Variants in YWHAG observed in about 807,000 individuals in gnomAD.
YWHAG encodes the protein 14-3-3 protein gamma.
YWHAG carries 1 observed loss-of-function variant against 23.3 expected under a neutral mutation model. That is an observed-to-expected ratio of 0.04 (90% CI 0.02 to 0.20). The LOEUF is 0.20. Ranked by LOEUF, YWHAG falls within the 10% of genes least tolerant of loss-of-function variation. YWHAG has a pLI of 1.00. For missense variants in YWHAG, 151 were observed against 338.6 expected (o/e 0.45, Z 4.35); for synonymous variants, 160 against 144.0 (o/e 1.11, Z -0.80).
At position 76,334,727 on chromosome 7, in the gene YWHAG, T is replaced by TA. The variant is rs562043163; in HGVS notation, c.88-4495dup. 2.5e-3 allele frequency among the ~76,000 whole-genome samples: 349 copies of TA among 138,748 alleles called. 4 individuals carry two copies. The highest frequency in any genetic ancestry group is 7.2e-3 in the South Asian group (32 of 4,454). 91.0% of individuals were successfully genotyped at this position (138,748 alleles called of 152,430 possible). ...CATTCTGCCTAACCTTCTTCTTCTT[T>TA]AAAAAAAAAAAGAAAGAAAGAAAGA... On this transcript the variant is annotated intron_variant, in intron 1 of 1. Transcript: ENST00000307630.
At chr7:76,338,824 G>A (rs1409475458) in intron 1 of YWHAG, among the ~76,000 whole-genome samples, 2 of 152,200 alleles carry the variant, frequency 1.3e-5, no homozygotes, top group African/African-American at 4.8e-5. Context: ...TGGGTAACAG[G>A]CACGTATCCA....
At chr7:76,348,965 A>G (rs1803828634) in intron 1 of YWHAG, among the ~76,000 whole-genome samples, 1 of 152,226 alleles carries the variant, frequency 6.6e-6, no homozygotes. Context: ...ATTAAATGGG[A>G]AAAGTACATA....
Position 76,328,977 on chromosome 7 carries a change from T to C in YWHAG, c.*600A>G, listed in dbSNP as rs532569269. 1 of 152,880 alleles carries C rather than the reference T, an allele frequency of 6.5e-6. No individual in the cohort carries two copies. Among genetic ancestry groups the C allele is most frequent in the Non-Finnish European group, 1.5e-5 (1 of 68,142 alleles). 9.5% of individuals were successfully genotyped at this position (152,880 alleles called of 1,614,324 possible). The stretch of plus-strand genomic sequence containing the variant: ...CTTGATGTTACATATGGCTGTAATG[T>C]AGAAATACTGTAAACTGCAATTTAG... On this transcript the variant is annotated 3_prime_UTR_variant, in exon 2 of 2. Transcript: ENST00000307630.
chr7:76,331,286 G>GGGAGAGGAGAGGAGAGGAGA (rs112289084), intron 1 of YWHAG, among the ~76,000 whole-genome samples: 157 of 150,304 alleles, frequency 1.0e-3, no homozygotes, highest in East Asian at 7.5e-3. Context: ...GCTGGGGATG[G>GGGAGAGGAGAGGAGAGGAGA]GGAGAGGAGA....
chr7:76,354,708 T>A (rs1254810641), intron 1 of YWHAG, among the ~76,000 whole-genome samples: 1 of 152,130 alleles, frequency 6.6e-6, no homozygotes, highest in Admixed American at 6.6e-5. Flanking sequence ...GTCTCAACCC[T>A]GCATCCTACT....
chr7:76,337,475 C>T (rs1803632474), intron 1 of YWHAG, among the ~76,000 whole-genome samples: 1 of 151,914 alleles, frequency 6.6e-6, no homozygotes, highest in Non-Finnish European at 1.5e-5. Context: ...GGAGAGGACT[C>T]TTGAAAGCTT....
chr7:76,349,712 T>A (rs1583992559), intron 1 of YWHAG, among the ~76,000 whole-genome samples: 1 of 152,214 alleles, frequency 6.6e-6, no homozygotes, highest in South Asian at 2.1e-4. Context: ...TCCAAACATC[T>A]GAAGTCTTTT....
chr7:76,340,868 A>C (rs928815860), intron 1 of YWHAG, among the ~76,000 whole-genome samples: 2 of 152,232 alleles, frequency 1.3e-5, no homozygotes, highest in Non-Finnish European at 2.9e-5. Context: ...AAATAAAAAC[A>C]TAAGTCCATA....
intron 1 of YWHAG, among the ~76,000 whole-genome samples, chr7:76,335,168 C>T (rs1253370311): frequency 1.3e-5 from 2 of 152,178 alleles, no homozygotes; most frequent in East Asian, 3.9e-4. Flanking sequence ...AGCGATTCTC[C>T]TGCCTCAGCC....
At chr7:76,339,848 G>A (rs1418718678) in intron 1 of YWHAG, among the ~76,000 whole-genome samples, 1 of 152,098 alleles carries the variant, frequency 6.6e-6, no homozygotes, top group Non-Finnish European at 1.5e-5. Flanking sequence ...CAGCACTCTG[G>A]AAGGCCAAGG....
intron 1 of YWHAG, among the ~76,000 whole-genome samples, chr7:76,357,564 T>C (rs1423712976): frequency 6.6e-6 from 1 of 152,106 alleles, no homozygotes; most frequent in African/African-American, 2.4e-5. Flanking sequence ...AATGGTGCAA[T>C]ACAGGGATGA....
intron 1 of YWHAG, among the ~76,000 whole-genome samples, chr7:76,355,848 A>C (rs1281234186): frequency 6.6e-6 from 1 of 152,186 alleles, no homozygotes; most frequent in African/African-American, 2.4e-5. Context: ...TAAAATATTA[A>C]CTTCTCAAGA....
At chr7:76,356,092 A>T (rs1803951502) in intron 1 of YWHAG, among the ~76,000 whole-genome samples, 1 of 152,242 alleles carries the variant, frequency 6.6e-6, no homozygotes, top group Non-Finnish European at 1.5e-5. Context: ...TTAAACTCAA[A>T]TAAATTTTAA....
At chr7:76,352,223 T>G (rs1803886688) in intron 1 of YWHAG, among the ~76,000 whole-genome samples, 1 of 152,242 alleles carries the variant, frequency 6.6e-6, no homozygotes, top group African/African-American at 2.4e-5. Flanking sequence ...TTTAGAGTCA[T>G]ATGAGTAATT....
At chr7:76,340,886 C>A (rs1203607102) in intron 1 of YWHAG, among the ~76,000 whole-genome samples, 2 of 151,944 alleles carry the variant, frequency 1.3e-5, no homozygotes, top group Non-Finnish European at 2.9e-5. Flanking sequence ...ATACAAAATT[C>A]TTTTTTTTGA....
intron 1 of YWHAG, among the ~76,000 whole-genome samples, chr7:76,356,100 T>C (rs939788285): frequency 1.3e-5 from 2 of 152,266 alleles, no homozygotes; most frequent in East Asian, 1.9e-4. Flanking sequence ...AAATAAATTT[T>C]AATCCCTTTA....
Position 76,329,336 on chromosome 7 carries a change from C to T in YWHAG, c.*241G>A. On this transcript the variant is annotated 3_prime_UTR_variant, in exon 2 of 2. Transcript: ENST00000307630. This position sits in a 1 kb window ranked among gnomAD's most constrained non-coding sequence, Gnocchi z 6.1. ...AGACAGCTCCACTTGCATGAATCTA[C>T]AGAACAGTCCAGACGCCAGTGTGAG... is the stretch of plus-strand genomic sequence containing the variant. 5 of 516,192 alleles carry T rather than the reference C, an allele frequency of 9.7e-6. No individual in the cohort carries two copies. The highest frequency in any genetic ancestry group is 1.7e-5 in the Non-Finnish European group (5 of 293,548). 32.0% of individuals were successfully genotyped at this position (516,192 alleles called of 1,614,324 possible).
At chr7:76,347,216 G>A (rs765186688) in intron 1 of YWHAG, among the ~76,000 whole-genome samples, 1 of 152,178 alleles carries the variant, frequency 6.6e-6, no homozygotes, top group Admixed American at 6.5e-5. Context: ...CATCACAACC[G>A]TATCTTTCCT....
At chr7:76,348,972 C>T (rs1209166547) in intron 1 of YWHAG, among the ~76,000 whole-genome samples, 1 of 152,064 alleles carries the variant, frequency 6.6e-6, no homozygotes, top group Non-Finnish European at 1.5e-5. Context: ...GGGAAAAGTA[C>T]ATAAAAATGC....
Sources: allele counts gnomAD v4.1 joint callset (sites outside exome capture counted in the v4.1 genomes callset), GRCh38; gene constraint gnomAD v4.1.1; non-coding constraint Gnocchi (gnomAD v3.1); transcripts MANE v1.5; gene names NCBI Gene and HGNC (gene_info 2026-07-23, HGNC 2026-07-21).